Variants in USP54 observed in about 807,000 individuals in gnomAD.
USP54 encodes the protein ubiquitin specific peptidase 54, also known as ubiquitin carboxyl-terminal hydrolase 54.
Under a neutral mutation model 170.5 loss-of-function variants are expected in USP54, and 87 were observed. That is an observed-to-expected ratio of 0.51 (90% confidence interval 0.43 to 0.61). The LOEUF is 0.61. Among genes scored for constraint, USP54 ranks in the 20% least tolerant of loss-of-function variants. USP54 has a pLI of 0.00. For missense variants in USP54, 1,786 were observed against 2,047.8 expected (o/e 0.87, Z 2.47); for synonymous variants, 655 against 742.8 (o/e 0.88, Z 1.92).
chr10:73,499,567 AC>A (rs1702808456), intron 23 of USP54: 1 of 161,664 alleles, frequency 6.2e-6, no homozygotes, highest in Non-Finnish European at 1.4e-5. Flanking sequence ...CCAAAACCTC[AC>A]GCAGCTTTTC....
At chr10:73,545,450 G>C (rs967778474) in intron 5 of USP54, 88 bp downstream of exon 5, 2 of 1,534,330 alleles carry the variant, frequency 1.3e-6, no homozygotes, top group Admixed American at 1.9e-5. Context: ...TAAGGGCACA[G>C]CAAATTCCAC....
chr10:73,518,789 C>T (rs1394498225), intron 19 of USP54: 1 of 145,474 alleles, frequency 6.9e-6, no homozygotes, highest in Non-Finnish European at 1.5e-5. Context: ...GCAGTGCCAT[C>T]ACGGCTCACT....
chr10:73,575,627 C>T lies in USP54; in HGVS notation c.32G>A (p.Gly11Asp), dbSNP rs1274173840. MSWKRNYFSG[G>D]RGSVQGMFAP... ...AAACATCCCTTGTACACTACCACGA[C>T]CCCCTGAAAAATAATTTCTCTTCCA... Residue 11 changes from glycine to aspartate, a missense_variant, in exon 3 of 24, where the codon GGT (glycine) becomes GAT (aspartate). Transcript: ENST00000687698. 4 of 1,610,250 alleles carry T rather than the reference C, an allele frequency of 2.5e-6. No individual in the cohort carries two copies. The Admixed American group carries it at 5.1e-5, about 20-fold the overall frequency.
intron 1 of USP54, among the ~76,000 whole-genome samples, chr10:73,600,185 A>C (rs1216800977): frequency 6.6e-6 from 1 of 152,098 alleles, no homozygotes; most frequent in Non-Finnish European, 1.5e-5. Context: ...ACTTGTGAGC[A>C]ACCGCGCCCG....
chr10:73,523,431 C>T (rs1297308270), intron 17 of USP54, 152 bp downstream of exon 17: 14 of 903,250 alleles, frequency 1.5e-5, no homozygotes, highest in Admixed American at 2.5e-5. Context: ...CTTGTCACAT[C>T]CTACTCTAAC....
At position 73,524,873 on chromosome 10, in the gene USP54, C is replaced by T. The variant is rs2062584278; in HGVS notation, c.2195-1123G>A. Among the ~76,000 whole-genome samples the T allele has an allele frequency of 2.0e-5, 3 of 152,178 alleles. No individual in the cohort carries two copies. The South Asian group carries it at 6.2e-4, about 32-fold the overall frequency. On this transcript the variant is annotated intron_variant, in intron 16 of 23. Transcript: ENST00000687698. ...CAAGTAGGTTAAATTCATAATCATG[C>T]TCTAATCATTAGAGAACACTTTCTA... is the stretch of plus-strand genomic sequence containing the variant.
At chr10:73,620,062 C>G (rs1564970528) in intron 1 of USP54, among the ~76,000 whole-genome samples, 1 of 150,268 alleles carries the variant, frequency 6.7e-6, no homozygotes, top group East Asian at 1.9e-4. Context: ...CCTGTAATCC[C>G]AGCACTTTGG....
At chr10:73,614,395 A>G (rs2080432579) in intron 1 of USP54, among the ~76,000 whole-genome samples, 1 of 149,980 alleles carries the variant, frequency 6.7e-6, no homozygotes, top group Non-Finnish European at 1.5e-5. Flanking sequence ...CCCCGTCTCT[A>G]CTAAAATTAC....
In USP54 at chr10:73,500,742, C is replaced by T. The variant is rs761425431; in HGVS notation, c.4408G>A (p.Gly1470Ser). 32 of 1,602,246 alleles carry T rather than the reference C, an allele frequency of 2.0e-5. No homozygotes were observed. Among genetic ancestry groups the T allele is most frequent in the African/African-American group, 2.7e-5 (2 of 73,766 alleles). Residue 1470 changes from glycine (G) to serine (S), a missense_variant, in exon 23 of 24, where the codon GGT becomes AGT. Around this residue, in one of 3 missense-constraint regions of USP54, gnomAD observed 1,418 missense variants for 1,569.0 expected, o/e 0.90. Coordinates refer to ENST00000687698, the MANE Select transcript of USP54 (RefSeq NM_001391956.1). ...VIHDPSVFLL[G>S]PQLYLPQPQF... ...GGTTGGGGAAGGTAGAGTTGGGGAC[C>T]GAGGAGAAACACAGAAGGGTCATGG...
intron 12 of USP54, among the ~76,000 whole-genome samples, chr10:73,533,327 C>T (rs975532617): frequency 2.0e-5 from 3 of 151,614 alleles, no homozygotes; most frequent in African/African-American, 7.3e-5. Flanking sequence ...TGTTATAATG[C>T]TATGTTTAAA....
intron 4 of USP54, among the ~76,000 whole-genome samples, chr10:73,555,144 C>T (rs1239306482): frequency 6.6e-6 from 1 of 152,168 alleles, no homozygotes; most frequent in Non-Finnish European, 1.5e-5. Context: ...ATCACACACA[C>T]CCCAAAAGTT....
At chr10:73,568,300 A>G (rs889661890) in intron 4 of USP54, among the ~76,000 whole-genome samples, 1 of 152,172 alleles carries the variant, frequency 6.6e-6, no homozygotes, top group Admixed American at 6.6e-5. Flanking sequence ...TTACTCCTTC[A>G]TATGTTTATC....
intron 5 of USP54, among the ~76,000 whole-genome samples, chr10:73,543,564 C>CA (rs1006397704): frequency 5.9e-5 from 9 of 152,224 alleles, no homozygotes; most frequent in African/African-American, 1.9e-4. Context: ...GACGAGGTTT[C>CA]ACCGTGTTAG....
chr10:73,504,665 T>C (rs1442776250), intron 22 of USP54, 185 bp downstream of exon 22: 1 of 795,402 alleles, frequency 1.3e-6, no homozygotes, highest in Non-Finnish European at 1.9e-6. Context: ...GGAATGGACA[T>C]TCCTCTGGGC....
chr10:73,569,147 C>T (rs998000361), intron 4 of USP54, among the ~76,000 whole-genome samples: 1 of 152,170 alleles, frequency 6.6e-6, no homozygotes, highest in African/African-American at 2.4e-5. Context: ...CCAGGATGCA[C>T]ATTTCCCTAG....
At chr10:73,522,365 T>C (rs1320337519) in intron 17 of USP54, among the ~76,000 whole-genome samples, 1 of 152,276 alleles carries the variant, frequency 6.6e-6, no homozygotes, top group Non-Finnish European at 1.5e-5. Context: ...AAGCTATAGT[T>C]GATCAATCAC....
intron 1 of USP54, among the ~76,000 whole-genome samples, chr10:73,616,128 C>T (rs1408147552): frequency 1.3e-5 from 2 of 149,892 alleles, no homozygotes; most frequent in Non-Finnish European, 1.5e-5. Flanking sequence ...CACTTGAGAT[C>T]AGGAGTTCAA....
intron 20 of USP54, among the ~76,000 whole-genome samples, chr10:73,513,031 G>GAA (rs200084934): frequency 3.6e-5 from 5 of 140,770 alleles, no homozygotes; most frequent in East Asian, 2.0e-4. Context: ...TCTCAAAAAT[G>GAA]AAAAAAAAAA....
rs1472111649 is a variant in USP54 at position 73,499,098 on chromosome 10, T to C, written c.4586A>G (p.Tyr1529Cys). The C allele has an allele frequency of 6.2e-7, 1 of 1,614,138 alleles. No individual in the cohort carries two copies. ...TCTGGAGCGATGGGGGAGGCTCTGG[T>C]AGTTCAAAGTCCTTCCTGTGTACTT... ...GAKYTGRTLNYQSLPHRSRTD... is the reference protein window; with the variant it reads ...GAKYTGRTLNCQSLPHRSRTD... Residue 1529 changes from tyrosine (Y) to cysteine (C), a missense_variant, in exon 24 of 24, where the codon TAC becomes TGC. Physicochemically the swap from Tyr to Cys is radical, Grantham distance 194. Transcript: ENST00000687698.
Sources: gnomAD v4.1 joint callset for allele counts (sites outside exome capture counted in the v4.1 genomes callset) on GRCh38, gnomAD v4.1.1 for gene constraint, gnomAD v4.1.1 regional missense constraint, MANE v1.5 for transcripts, NCBI Gene and HGNC (gene_info 2026-07-23, HGNC 2026-07-21) for gene names.